LRRC4C: variants seen among roughly 807,000 people sequenced by gnomAD.
LRRC4C encodes leucine rich repeat containing 4C.
Under a neutral mutation model 33.6 loss-of-function variants are expected in LRRC4C, and 5 were observed. That is an observed-to-expected ratio of 0.15 (90% CI 0.08 to 0.31). The LOEUF (loss-of-function observed/expected upper bound fraction) is 0.31. LRRC4C is among the 10% of genes least tolerant of loss of function. The probability of loss-of-function intolerance (pLI) is 1.00; values close to 1 mark genes in which losing one functional copy is unlikely to be tolerated. For missense variants in LRRC4C, 560 were observed against 796.7 expected (o/e 0.70, Z 3.58); for synonymous variants, 329 against 302.0 (o/e 1.09, Z -0.93).
chr11:40,730,055 T>G (rs1010771755), intron 2 of LRRC4C, among the ~76,000 whole-genome samples: 3 of 150,286 alleles, frequency 2.0e-5, no homozygotes, highest in African/African-American at 4.9e-5. Context: ...AATTGAACAG[T>G]GAGATCACGT....
intron 5 of LRRC4C, among the ~76,000 whole-genome samples, chr11:40,210,865 C>T (rs892385046): frequency 2.0e-5 from 3 of 152,140 alleles, no homozygotes; most frequent in Non-Finnish European, 2.9e-5. Context: ...CTCCGCCTCC[C>T]GGGTTCAAGT....
At chr11:41,084,030 T>G (rs1939774703) in intron 1 of LRRC4C, among the ~76,000 whole-genome samples, 1 of 152,234 alleles carries the variant, frequency 6.6e-6, no homozygotes, top group Non-Finnish European at 1.5e-5. Flanking sequence ...TATTAATTGA[T>G]AGGTAAATAA....
intron 1 of LRRC4C, among the ~76,000 whole-genome samples, chr11:41,187,085 G>T (rs537695758): frequency 6.6e-6 from 1 of 152,228 alleles, no homozygotes; most frequent in East Asian, 1.9e-4. Context: ...ATGAAATTGT[G>T]ATAATAGCAG....
intron 2 of LRRC4C, among the ~76,000 whole-genome samples, chr11:40,690,326 G>A (rs1268565503): frequency 1.3e-5 from 2 of 152,026 alleles, no homozygotes; most frequent in Non-Finnish European, 2.9e-5. Context: ...TATGCCAAAC[G>A]TTATTTAACT....
At chr11:40,293,211 G>A in intron 4 of LRRC4C, 1 of 152,584 alleles carries the variant, frequency 6.6e-6, no homozygotes. Flanking sequence ...GGCGGGGGCG[G>A]GGGCGGGGGC....
rs1329807347 is a variant in LRRC4C at position 41,303,968 on chromosome 11, C to T, written c.-496+155463G>A. Among the ~76,000 whole-genome samples, 32 of 93,610 alleles carry T rather than the reference C, an allele frequency of 3.4e-4. 2 individuals carry two copies. In the East Asian group the frequency reaches 0.016, roughly 46 times the overall value. 61.4% of individuals were successfully genotyped at this position (93,610 alleles called of 152,430 possible). On this transcript the variant is annotated intron_variant, in intron 1 of 6. Transcript: ENST00000528697. The stretch of plus-strand genomic sequence containing the variant: ...CTGGGAAGTGAGGAGCGTCTCCGCC[C>T]GGCAGCCACCCCGTCCGGGAGGGAG...
At chr11:40,995,804 T>A (rs1361002179) in intron 1 of LRRC4C, among the ~76,000 whole-genome samples, 1 of 152,136 alleles carries the variant, frequency 6.6e-6, no homozygotes, top group African/African-American at 2.4e-5. Flanking sequence ...ACCAAACCAT[T>A]GGTCTGCAAG....
At chr11:40,290,291 A>T (rs1944104299) in intron 4 of LRRC4C, among the ~76,000 whole-genome samples, 1 of 152,206 alleles carries the variant, frequency 6.6e-6, no homozygotes, top group Non-Finnish European at 1.5e-5. Flanking sequence ...GCAAATAAGC[A>T]AACGAATGCA....
intron 5 of LRRC4C, among the ~76,000 whole-genome samples, chr11:40,238,235 A>G (rs1590789926): frequency 1.3e-5 from 2 of 152,074 alleles, no homozygotes; most frequent in Non-Finnish European, 2.9e-5. Flanking sequence ...AAAAACAAAT[A>G]CCCCACACTG....
chr11:41,330,444 G>A (rs761352910), intron 1 of LRRC4C, among the ~76,000 whole-genome samples: 1 of 152,090 alleles, frequency 6.6e-6, no homozygotes, highest in South Asian at 2.1e-4. Flanking sequence ...AGTGGCTAGG[G>A]TTTAAAACTA....
intron 3 of LRRC4C, among the ~76,000 whole-genome samples, chr11:40,612,581 G>A (rs938264464): frequency 1.2e-4 from 18 of 151,870 alleles, no homozygotes; most frequent in Non-Finnish European, 5.9e-5. Context: ...ATTGAAATAT[G>A]CACTTCAAAA....
intron 5 of LRRC4C, among the ~76,000 whole-genome samples, chr11:40,195,509 C>T (rs1433551109): frequency 6.6e-6 from 1 of 151,802 alleles, no homozygotes; most frequent in Non-Finnish European, 1.5e-5. Context: ...ATGTGGGTAG[C>T]AGAGGTGGGG....
At chr11:40,695,323 T>C (rs1400226166) in intron 2 of LRRC4C, among the ~76,000 whole-genome samples, 1 of 152,160 alleles carries the variant, frequency 6.6e-6, no homozygotes, top group Non-Finnish European at 1.5e-5. Context: ...CTGACATATT[T>C]GTGTATTTTT....
At chr11:40,347,970 T>C (rs1947210861) in intron 3 of LRRC4C, among the ~76,000 whole-genome samples, 1 of 152,128 alleles carries the variant, frequency 6.6e-6, no homozygotes, top group African/African-American at 2.4e-5. Context: ...AATACTGTTG[T>C]CTCTCAAGAA....
intron 4 of LRRC4C, among the ~76,000 whole-genome samples, chr11:40,257,795 G>T (rs908156598): frequency 6.6e-6 from 1 of 152,148 alleles, no homozygotes; most frequent in Non-Finnish European, 1.5e-5. Context: ...CTACATACAA[G>T]CTGAGAACAG....
intron 1 of LRRC4C, among the ~76,000 whole-genome samples, chr11:41,083,735 T>C (rs1297528445): frequency 1.3e-5 from 2 of 152,198 alleles, no homozygotes; most frequent in Non-Finnish European, 1.5e-5. Flanking sequence ...GGACAACCCA[T>C]GCTGCAGCAG....
At chr11:40,931,186 T>C (rs57739123) in intron 2 of LRRC4C, among the ~76,000 whole-genome samples, 9,109 of 152,176 alleles carry the variant, frequency 0.06, 389 homozygotes, top group Admixed American at 0.15. Flanking sequence ...GAATCCAATT[T>C]TGAGTTTGCA....
At chr11:41,049,555 C>A (rs1858047259) in intron 1 of LRRC4C, among the ~76,000 whole-genome samples, 2 of 152,022 alleles carry the variant, frequency 1.3e-5, no homozygotes, top group African/African-American at 4.8e-5. Flanking sequence ...AAACATGGAA[C>A]CACAGAGAAT....
chr11:40,729,880 A>G (rs915199657), intron 2 of LRRC4C, among the ~76,000 whole-genome samples: 2 of 152,210 alleles, frequency 1.3e-5, no homozygotes, highest in African/African-American at 4.8e-5. Context: ...GTAGAGAGAG[A>G]TGCTGAAAAT....
Sources: allele counts gnomAD v4.1 joint callset (sites outside exome capture counted in the v4.1 genomes callset), GRCh38; gene constraint gnomAD v4.1.1; transcripts MANE v1.5; gene names NCBI Gene and HGNC (gene_info 2026-07-23, HGNC 2026-07-21).